CDK14: variants seen among roughly 807,000 people sequenced by gnomAD.
The protein encoded by CDK14 is cyclin dependent kinase 14, also known as cyclin-dependent kinase 14.
CDK14 carries 34 observed loss-of-function variants against 60.7 expected under a neutral mutation model. The ratio of observed to expected loss-of-function variants is 0.56; its 90% CI spans 0.43 to 0.75. The LOEUF (loss-of-function observed/expected upper bound fraction) is 0.75, where lower values mean the gene tolerates loss of function less well. Ranked by LOEUF, CDK14 falls within the 30% of genes least tolerant of loss-of-function variation. CDK14 has a pLI of 0.00. For synonymous variants in CDK14, 197 were observed against 203.7 expected, an observed-to-expected ratio of 0.97 and a Z score of 0.28; for missense variants, 482 against 564.1, an observed-to-expected ratio of 0.85 and a Z score of 1.47.
chr7:91,207,820 T>C lies in CDK14; in HGVS notation c.*684T>C, dbSNP rs1412541987. The C allele has an allele frequency of 6.6e-6, 1 of 152,658 alleles. No individual in the cohort carries two copies. The highest frequency in any genetic ancestry group is 2.4e-5 in the African/African-American group (1 of 41,466). The allele number at this position is 152,658 out of a possible 1,614,324, so 9.5% of individuals were successfully genotyped here. On this transcript the variant is annotated 3_prime_UTR_variant, in exon 15 of 15. Coordinates refer to ENST00000380050, the MANE Select transcript of CDK14 (RefSeq NM_001287135.2). ...TTCAAGCCACATAGCATGACTGTTT[T>C]TTGAATAGGTTGGAATTGAAAAAAC...
chr7:90,649,333 C>T lies in CDK14; in HGVS notation c.123+45084C>T, dbSNP rs1339039916. ...CTTTCCTTCCTTCCTTCCTTCCTTC[C>T]TTCCTTCCTTCCTTCCTTCCTTCCT... is the stretch of plus-strand genomic sequence containing the variant. On this transcript the variant is annotated intron_variant, in intron 2 of 14. Transcript: ENST00000380050. Among the ~76,000 whole-genome samples, 240 of 43,362 alleles carry T rather than the reference C, an allele frequency of 5.5e-3. 1 individual carries two copies. Among genetic ancestry groups the T allele is most frequent in the East Asian group, 0.018 (8 of 452 alleles). 28.4% of individuals were successfully genotyped at this position (43,362 alleles called of 152,430 possible). A position where few individuals can be genotyped will look rare whatever the true frequency, so the allele number is the denominator to read the frequency against.
intron 2 of CDK14, among the ~76,000 whole-genome samples, chr7:90,713,791 T>C (rs1802147076): frequency 6.6e-6 from 1 of 151,978 alleles, no homozygotes; most frequent in African/African-American, 2.4e-5. Flanking sequence ...GTATTCAGAG[T>C]CCTGTAATCA....
chr7:90,984,047 C>A, intron 9 of CDK14, 101 bp from the exon 10 acceptor site: 1 of 771,298 alleles, frequency 1.3e-6, no homozygotes, highest in South Asian at 1.5e-5. Flanking sequence ...ACAGTTTACT[C>A]ACCGCTTCTC....
At chr7:91,079,305 G>A (rs1657508469) in intron 11 of CDK14, 127 bp from the exon 12 acceptor site, 1 of 606,180 alleles carries the variant, frequency 1.6e-6, no homozygotes. Flanking sequence ...TAAAAGTGAA[G>A]ACCTTACTAT....
intron 8 of CDK14, among the ~76,000 whole-genome samples, chr7:90,927,886 A>G (rs1486127772): frequency 2.0e-5 from 3 of 152,292 alleles, no homozygotes; most frequent in South Asian, 4.1e-4. Context: ...ACATAGTCCC[A>G]TATTTCTTGG....
At chr7:90,691,290 G>T (rs1801547451) in intron 2 of CDK14, among the ~76,000 whole-genome samples, 1 of 137,090 alleles carries the variant, frequency 7.3e-6, no homozygotes, top group Non-Finnish European at 1.6e-5. Flanking sequence ...TTTGTATGAG[G>T]GTGGTAAGTA....
intron 6 of CDK14, among the ~76,000 whole-genome samples, chr7:90,878,496 A>G (rs1166801490): frequency 2.6e-5 from 4 of 152,302 alleles, no homozygotes; most frequent in African/African-American, 7.2e-5. Context: ...ACTAGTAAAT[A>G]TAATGCATTT....
chr7:91,119,678 T>C (rs1799721915), intron 14 of CDK14, among the ~76,000 whole-genome samples: 1 of 152,174 alleles, frequency 6.6e-6, no homozygotes, highest in African/African-American at 2.4e-5. Flanking sequence ...TTGAGCTACT[T>C]CTGGACTTAG....
chr7:90,686,252 GTTAAC>G (rs1483274640), intron 2 of CDK14, among the ~76,000 whole-genome samples: 7 of 152,098 alleles, frequency 4.6e-5, no homozygotes, highest in African/African-American at 1.7e-4. Flanking sequence ...AGTTTTTTCA[GTTAAC>G]TTCTGTGGTT....
chr7:90,729,361 TTTTTTTTTTTC>T (rs1349961311), intron 3 of CDK14, among the ~76,000 whole-genome samples: 1,438 of 132,944 alleles, frequency 0.011, 102 homozygotes, highest in African/African-American at 0.04. Flanking sequence ...TTTTTTTTTT[TTTTTTTTTTTC>T]CCCACTCATC....
intron 14 of CDK14, among the ~76,000 whole-genome samples, chr7:91,126,391 A>G (rs530475394): frequency 4.3e-4 from 66 of 152,290 alleles, no homozygotes; most frequent in African/African-American, 1.6e-3. Context: ...TAACACCCCT[A>G]AATGTTGGTA....
intron 14 of CDK14, among the ~76,000 whole-genome samples, chr7:91,134,234 A>G (rs1306735273): frequency 6.6e-6 from 1 of 152,190 alleles, no homozygotes; most frequent in East Asian, 1.9e-4. Flanking sequence ...GCAAACAGCC[A>G]TGACTATTTT....
intron 14 of CDK14, among the ~76,000 whole-genome samples, chr7:91,148,691 CACCCAG>C (rs1260475272): frequency 2.4e-4 from 37 of 152,326 alleles, no homozygotes; most frequent in Admixed American, 2.0e-3. Flanking sequence ...TGGTCAGGCA[CACCCAG>C]GAGTCCCTGG....
chr7:90,771,522 C>T (rs117026470), intron 4 of CDK14, among the ~76,000 whole-genome samples: 274 of 152,286 alleles, frequency 1.8e-3, no homozygotes, highest in Non-Finnish European at 3.2e-3. Flanking sequence ...CTCTCAGCAG[C>T]GAGAGGGGAC....
intron 14 of CDK14, among the ~76,000 whole-genome samples, chr7:91,129,011 G>A (rs907471898): frequency 1.3e-5 from 2 of 151,312 alleles, no homozygotes. Context: ...TTTCAGTTTT[G>A]TGGGTTCTCC....
chr7:91,145,567 C>G (rs1401542827), intron 14 of CDK14, among the ~76,000 whole-genome samples: 1 of 152,206 alleles, frequency 6.6e-6, no homozygotes, highest in Non-Finnish European at 1.5e-5. Flanking sequence ...ACAATGATAG[C>G]TAATGCAACG....
At chr7:90,837,511 G>T (rs896166806) in intron 5 of CDK14, among the ~76,000 whole-genome samples, 8 of 152,092 alleles carry the variant, frequency 5.3e-5, no homozygotes, top group African/African-American at 1.7e-4. Context: ...TAAGCTTAGT[G>T]TATTAGAACA....
chr7:90,710,044 C>G, intron 2 of CDK14: 1 of 895,418 alleles, frequency 1.1e-6, no homozygotes, highest in Non-Finnish European at 1.3e-6. Flanking sequence ...TCATTTACAA[C>G]TTAAAAAGGA....
intron 5 of CDK14, among the ~76,000 whole-genome samples, chr7:90,836,647 T>C (rs867638673): frequency 2.0e-5 from 3 of 152,198 alleles, no homozygotes; most frequent in African/African-American, 2.4e-5. Flanking sequence ...AAAAATGGTA[T>C]ACATAAACCA....
Sources: allele counts gnomAD v4.1 joint callset (sites outside exome capture counted in the v4.1 genomes callset), GRCh38; gene constraint gnomAD v4.1.1; transcripts MANE v1.5; gene names NCBI Gene and HGNC (gene_info 2026-07-23, HGNC 2026-07-21).